IPO8: variants seen among roughly 807,000 people sequenced by gnomAD.
The protein encoded by IPO8 is importin 8.
Under a neutral mutation model 141.2 loss-of-function variants are expected in IPO8, and 65 were observed. That is an observed-to-expected ratio of 0.46 (90% CI 0.38 to 0.57). IPO8 has a LOEUF of 0.57. Among genes scored for constraint, IPO8 ranks in the 20% least tolerant of loss-of-function variants. The pLI is 0.00. For missense variants in IPO8, 980 were observed against 1,246.8 expected (o/e 0.79, Z 3.22); for synonymous variants, 411 against 420.3 (o/e 0.98, Z 0.27).
intron 16 of IPO8, 43 bp from the exon 17 acceptor site, chr12:30,656,793 T>A (rs368414497): frequency 2.2e-6 from 2 of 922,818 alleles, no homozygotes; most frequent in East Asian, 3.0e-5. Flanking sequence ...TTATCATAAT[T>A]AATACATAAA....
chr12:30,665,271 T>A lies in IPO8; in HGVS notation c.1377A>T (p.Gln459His). The change falls in exon 13 of 25, where the codon CAA becomes CAT. Residue 459 changes from glutamine to histidine, a missense_variant. Around this residue, in one of 3 missense-constraint regions of IPO8, gnomAD observed 924 missense variants for 1,153.9 expected, o/e 0.80. Coordinates refer to ENST00000256079, the MANE Select transcript of IPO8 (RefSeq NM_006390.4). ...LFKDQMELFL[Q>H]NHVFPLLLSN... ...ACAATAATAATGGAAATACATGATT[T>A]TGTAGAAACAGCTCCATTTGGTCCT... 2 of 1,600,814 alleles carry A rather than the reference T, an allele frequency of 1.2e-6. No individual in the cohort carries two copies. Among genetic ancestry groups the A allele is most frequent in the Non-Finnish European group, 1.7e-6 (2 of 1,170,938 alleles).
chr12:30,631,833 A>G lies in IPO8; in HGVS notation c.3016+62T>C, dbSNP rs1463533421. ...TGTTTAGGTGCCACCTGGCTCATCA[A>G]ATAAGGCTGTCTGTTGGCACTCTGA... On this transcript the variant is annotated intron_variant, in intron 24 of 24. Transcript: ENST00000256079. 5 of 1,099,252 alleles carry G rather than the reference A, an allele frequency of 4.5e-6. No individual in the cohort carries two copies. In the Admixed American group the frequency reaches 5.7e-5, roughly 13 times the overall value. 68.1% of individuals were successfully genotyped at this position (1,099,252 alleles called of 1,614,324 possible).
intron 1 of IPO8, among the ~76,000 whole-genome samples, chr12:30,692,392 A>T (rs1335559610): frequency 6.6e-6 from 1 of 152,184 alleles, no homozygotes; most frequent in African/African-American, 2.4e-5. Context: ...GATTCATTCT[A>T]TATTAACTTG....
At chr12:30,641,509 T>C (rs2052574724) in intron 20 of IPO8, among the ~76,000 whole-genome samples, 1 of 147,492 alleles carries the variant, frequency 6.8e-6, no homozygotes, top group Non-Finnish European at 1.5e-5. Context: ...TTTTTTTTTT[T>C]TTCTTTTTTG....
chr12:30,639,605 G>C lies in IPO8; in HGVS notation c.2399C>G (p.Thr800Ser). Residue 800 changes from threonine to serine, a missense_variant, in exon 21 of 25, where the codon ACT becomes AGT. Physicochemically the swap from Thr to Ser is moderately conservative, Grantham distance 58. Around this residue, in one of 3 missense-constraint regions of IPO8, gnomAD observed 924 missense variants for 1,153.9 expected, o/e 0.80. Coordinates refer to ENST00000256079, the MANE Select transcript of IPO8 (RefSeq NM_006390.4). Reference protein sequence around the residue: ...LYYNPDLLLHTLERIQLPHNP... With the variant: ...LYYNPDLLLHSLERIQLPHNP... ...GTGAGGCAACTGAATTCGTTCTAAA[G>C]TATGTAGCAGCAAATCAGGGTTGTA... The C allele has an allele frequency of 6.2e-7, 1 of 1,614,048 alleles. No individual in the cohort carries two copies. Among genetic ancestry groups the C allele is most frequent in the Non-Finnish European group, 8.5e-7 (1 of 1,179,908 alleles).
chr12:30,661,259 A>G lies in IPO8; in HGVS notation c.1763T>C (p.Ile588Thr). 3.8e-6 allele frequency: 6 copies of G among 1,585,942 alleles called. No individual in the cohort carries two copies. The highest frequency in any genetic ancestry group is 5.1e-6 in the Non-Finnish European group (6 of 1,168,920). The change falls in exon 16 of 25, where the codon ATA becomes ACA. Residue 588 changes from isoleucine (I) to threonine (T), a missense_variant. This residue lies in a region of IPO8 where 924 missense variants were observed against 1,153.9 expected (regional missense o/e 0.80). Coordinates refer to ENST00000256079, the MANE Select transcript of IPO8 (RefSeq NM_006390.4). ...ATCACTTTGAAGAACTTTGCCAAAT[A>G]TCTCAGCCTATGAAAATAACATTAA... ...AVDMTQHLAEIFGKVLQSDEY... is the reference protein window; with the variant it reads ...AVDMTQHLAETFGKVLQSDEY...
At chr12:30,637,403 A>C (rs1457256992) in intron 21 of IPO8, among the ~76,000 whole-genome samples, 3 of 152,232 alleles carry the variant, frequency 2.0e-5, no homozygotes, top group Admixed American at 1.3e-4. Context: ...TCTGCAATTA[A>C]CATGGTGAAT....
At chr12:30,667,544 C>T (rs1225189814) in intron 10 of IPO8, among the ~76,000 whole-genome samples, 1 of 151,816 alleles carries the variant, frequency 6.6e-6, no homozygotes, top group African/African-American at 2.4e-5. Context: ...AAGTGCCAAA[C>T]ATATAAAAAG....
intron 22 of IPO8, among the ~76,000 whole-genome samples, chr12:30,636,534 T>C (rs2052503990): frequency 6.6e-6 from 1 of 152,122 alleles, no homozygotes; most frequent in Non-Finnish European, 1.5e-5. Flanking sequence ...ATGAGTCACC[T>C]AAGAACCATT....
Position 30,649,225 on chromosome 12 carries a change from C to A in IPO8, c.2180G>T (p.Cys727Phe), listed in dbSNP as rs1233597655. ...ILFTMCRKVL[C>F]GDAGEDAECH... ...CTCTGCATCTTCTCCTGCATCTCCA[C>A]ATAGTACCTGCAGTAATTACAATTT... is the stretch of plus-strand genomic sequence containing the variant. Residue 727 changes from cysteine to phenylalanine, a missense_variant, in exon 20 of 25, where the codon TGT becomes TTT. Physicochemically the swap from Cys to Phe is radical, Grantham distance 205 (BLOSUM62 -2). This residue lies in a region of IPO8 where 924 missense variants were observed against 1,153.9 expected (regional missense o/e 0.80). Coordinates refer to ENST00000256079, the MANE Select transcript of IPO8 (RefSeq NM_006390.4). 1 of 1,611,612 alleles carries A rather than the reference C, an allele frequency of 6.2e-7. No individual in the cohort carries two copies. The highest frequency in any genetic ancestry group is 1.3e-5 in the African/African-American group (1 of 74,844).
intron 8 of IPO8, 95 bp from the exon 9 acceptor site, chr12:30,671,191 T>C: frequency 1.4e-6 from 1 of 738,026 alleles, no homozygotes. Context: ...TCAGAATCCA[T>C]AGAAAAATAA....
intron 17 of IPO8, among the ~76,000 whole-genome samples, chr12:30,654,922 T>G (rs1042634298): frequency 6.6e-6 from 1 of 152,042 alleles, no homozygotes; most frequent in Non-Finnish European, 1.5e-5. Context: ...GAAGCATGTT[T>G]CACAATAACC....
At chr12:30,649,600 C>T (rs2052697573) in intron 19 of IPO8, among the ~76,000 whole-genome samples, 1 of 152,058 alleles carries the variant, frequency 6.6e-6, no homozygotes, top group Admixed American at 6.6e-5. Context: ...AATCCTGGTC[C>T]ATATGAACCC....
intron 23 of IPO8, among the ~76,000 whole-genome samples, chr12:30,633,504 T>C (rs555158896): frequency 7.2e-5 from 11 of 152,366 alleles, no homozygotes; most frequent in Admixed American, 2.0e-4. Flanking sequence ...ACTGGTCTTA[T>C]GTATCTGAGG....
rs182629607 is a variant in IPO8, at chr12:30,653,394, T to A, written c.1949-302A>T. The stretch of plus-strand genomic sequence containing the variant: ...TATAATCTATATTTATAAAACTGTA[T>A]TAGAAATAGATACAAGAAGGAATAG... On this transcript the variant is annotated intron_variant, in intron 17 of 24. Transcript: ENST00000256079. 2.6e-5 allele frequency among the ~76,000 whole-genome samples: 4 copies of A among 152,176 alleles called. No homozygotes were observed. In the East Asian group the frequency reaches 7.7e-4, roughly 29 times the overall value.
chr12:30,666,507 G>C (rs1225566489), intron 10 of IPO8, among the ~76,000 whole-genome samples: 1 of 152,060 alleles, frequency 6.6e-6, no homozygotes, highest in African/African-American at 2.4e-5. Flanking sequence ...TTACACATCT[G>C]TTTCACTGAG....
intron 16 of IPO8, among the ~76,000 whole-genome samples, chr12:30,659,174 C>T (rs1010260226): frequency 6.6e-6 from 1 of 152,132 alleles, no homozygotes; most frequent in Non-Finnish European, 1.5e-5. Context: ...GCCACCGCGC[C>T]GGGCCTTATC....
rs762433588 is a variant in IPO8 at position 30,669,149 on chromosome 12, A to G, written c.1144+34T>C. On this transcript the variant is annotated intron_variant, in intron 10 of 24. Coordinates refer to ENST00000256079, the MANE Select transcript of IPO8 (RefSeq NM_006390.4). ...TTTAGTTATATTACTTTACATATCC[A>G]GGAACTGATGAGAAATAAAACCATC... is the stretch of plus-strand genomic sequence containing the variant. 5.5e-6 allele frequency: 5 copies of G among 911,084 alleles called. No homozygotes were observed. In the African/African-American group the frequency reaches 8.3e-5, roughly 15 times the overall value. The allele number at this position is 911,084 out of a possible 1,614,324, so 56.4% of individuals were successfully genotyped here.
chr12:30,645,386 A>G (rs370810316), intron 20 of IPO8, among the ~76,000 whole-genome samples: 146 of 152,024 alleles, frequency 9.6e-4, no homozygotes, highest in African/African-American at 2.8e-3. Context: ...AAAAAAAAAA[A>G]AGAGACAGAG....
Sources: gnomAD v4.1 joint callset for allele counts (sites outside exome capture counted in the v4.1 genomes callset) on GRCh38, gnomAD v4.1.1 for gene constraint, gnomAD v4.1.1 regional missense constraint, MANE v1.5 for transcripts, NCBI Gene and HGNC (gene_info 2026-07-23, HGNC 2026-07-21) for gene names.